Variants in IQGAP3 observed in about 807,000 individuals in gnomAD.
IQGAP3 encodes the protein ras GTPase-activating-like protein IQGAP3.
In IQGAP3, 165 loss-of-function variants were observed where a neutral mutation model predicts 208.2. The observed-to-expected ratio is 0.79, with a 90% CI of 0.70 to 0.90. IQGAP3 has a LOEUF of 0.90. Among genes scored for constraint, IQGAP3 ranks in the 40% least tolerant of loss-of-function variants. The pLI, the probability that IQGAP3 is intolerant of heterozygous loss-of-function variation, is 0.00. For missense variants in IQGAP3, 1,811 were observed against 2,043.1 expected (o/e 0.89, Z 2.19); for synonymous variants, 703 against 803.6 (o/e 0.87, Z 2.12).
chr1:156,540,915 C>T lies in IQGAP3; in HGVS notation c.2532G>A (p.Val844=). 3.1e-6 allele frequency: 5 copies of T among 1,613,198 alleles called. No homozygotes were observed. Among genetic ancestry groups the T allele is most frequent in the South Asian group, 1.1e-5 (1 of 91,046 alleles). Residue 844 remains valine (V), a splice_region_variant and synonymous_variant, in exon 23 of 38, where the codon GTG becomes GTA. Coordinates refer to ENST00000361170, the MANE Select transcript of IQGAP3 (RefSeq NM_178229.5). ...RKAQDDYRIL[V]HAPHPPLSVV... is the part of the protein sequence containing the mutation. ...CACTGAGAGGAGGGTGGGGTGCATG[C>T]ACTGGGAGGAAGGGAGGAGGCATCA...
chr1:156,548,104 C>T lies in IQGAP3; in HGVS notation c.2273G>A (p.Arg758Lys), dbSNP rs373591203. 6 of 1,613,586 alleles carry T rather than the reference C, an allele frequency of 3.7e-6. No homozygotes were observed. The African/African-American group carries it at 5.3e-5, about 14-fold the overall frequency. Reference protein sequence around the residue: ...QKFAEHSHFLRTWLPAVIKIQ... With the variant: ...QKFAEHSHFLKTWLPAVIKIQ... ...CTTGATGACTGCTGGGAGCCAGGTC[C>T]TCAGAAAGTGGGAATGCTCAGCAAA... The change falls in exon 19 of 38, where the codon AGG becomes AAG. Residue 758 changes from arginine to lysine, a missense_variant. Coordinates refer to ENST00000361170, the MANE Select transcript of IQGAP3 (RefSeq NM_178229.5).
In IQGAP3 at chr1:156,537,177, A is replaced by G; in HGVS notation, c.3422+4T>C. On this transcript the variant is annotated splice_donor_region_variant and intron_variant, in intron 27 of 37. Transcript: ENST00000361170. ...GTAGGCTGGGGTGGGGCTGTTGCAC[A>G]TACGGAATTTGGTCCACAGATGAGG... 1 of 1,612,596 alleles carries G rather than the reference A, an allele frequency of 6.2e-7. No homozygotes were observed.
chr1:156,560,957 G>C lies in IQGAP3; in HGVS notation c.1106C>G (p.Thr369Arg). ...ACTGGCTTGTTCCTGATCACCCTTT[G>C]TGTTGGCTGCAGCCACACCAGCCTG... ...EVQAGVAAANTKGDQEQAMLH... is the reference protein window; with the variant it reads ...EVQAGVAAANRKGDQEQAMLH... Residue 369 changes from threonine to arginine, a missense_variant, in exon 11 of 38, where the codon ACA becomes AGA. By Grantham distance (71) the Thr-to-Arg change is moderately conservative. Transcript: ENST00000361170. 6.2e-7 allele frequency: 1 copy of C among 1,613,684 alleles called. No homozygotes were observed. The highest frequency in any genetic ancestry group is 8.5e-7 in the Non-Finnish European group (1 of 1,179,756).
intron 28 of IQGAP3, 78 bp from the exon 29 acceptor site, chr1:156,534,811 G>T: frequency 1.8e-6 from 2 of 1,125,938 alleles, no homozygotes; most frequent in Non-Finnish European, 2.5e-6. Flanking sequence ...CAGCTTGCTT[G>T]GCTGGAAGGG....
In IQGAP3 at chr1:156,533,077, C is replaced by T; in HGVS notation, c.4006G>A (p.Asp1336Asn). 1 of 1,614,004 alleles carries T rather than the reference C, an allele frequency of 6.2e-7. No individual in the cohort carries two copies. Among genetic ancestry groups the T allele is most frequent in the East Asian group, 2.2e-5 (1 of 44,870 alleles). The change falls in exon 32 of 38, where the codon GAC becomes AAC. Residue 1336 changes from aspartate (D) to asparagine (N), a missense_variant. Coordinates refer to ENST00000361170, the MANE Select transcript of IQGAP3 (RefSeq NM_178229.5). ...GESIAADGHT[D>N]LSKLEVSLTL... Reference sequence around the variant, plus strand: ...AGGGACACTTCTAGCTTGCTCAGGTCCGTGTGCCCATCTGCAGCGATGCTC... The same window carrying T: ...AGGGACACTTCTAGCTTGCTCAGGTTCGTGTGCCCATCTGCAGCGATGCTC...
Position 156,566,550 on chromosome 1 carries a change from T to C in IQGAP3, c.126-4A>G, listed in dbSNP as rs1210538932. On this transcript the variant is annotated splice_region_variant and splice_polypyrimidine_tract_variant and intron_variant, in intron 2 of 37. Coordinates refer to ENST00000361170, the MANE Select transcript of IQGAP3 (RefSeq NM_178229.5). The stretch of plus-strand genomic sequence containing the variant: ...CTTCAGGCAGGCCTCCATCCAGCTA[T>C]GAACATGAGAACACCTTCTCACGCA... The C allele has an allele frequency of 1.2e-6, 2 of 1,613,942 alleles. No homozygotes were observed. The highest frequency in any genetic ancestry group is 2.2e-5 in the East Asian group (1 of 44,878).
intron 23 of IQGAP3, among the ~76,000 whole-genome samples, chr1:156,540,374 C>T (rs1674919357): frequency 1.3e-5 from 2 of 152,208 alleles, no homozygotes; most frequent in South Asian, 2.1e-4. Context: ...TCATATCTGT[C>T]TCTATATTTG....
At position 156,534,616 on chromosome 1, in the gene IQGAP3, G is replaced by A; in HGVS notation, c.3625C>T (p.Leu1209=). ...GALAAPQRHA[L]GAVAQLLQHA... The stretch of plus-strand genomic sequence containing the variant: ...TGTAGGAGCTGAGCCACAGCCCCCA[G>A]GGCATGGCGCTGGGGGGCAGCCAGG... The change falls in exon 29 of 38, where the codon CTG becomes TTG. Residue 1209 remains leucine, a synonymous_variant. Coordinates refer to ENST00000361170, the MANE Select transcript of IQGAP3 (RefSeq NM_178229.5). 2 of 1,612,456 alleles carry A rather than the reference G, an allele frequency of 1.2e-6. No homozygotes were observed. Among genetic ancestry groups the A allele is most frequent in the South Asian group, 1.1e-5 (1 of 90,910 alleles).
chr1:156,541,512 T>C (rs1345406537), intron 22 of IQGAP3, among the ~76,000 whole-genome samples: 3 of 152,322 alleles, frequency 2.0e-5, no homozygotes, highest in Middle Eastern at 3.4e-3. Context: ...TGAGCTAATT[T>C]ATTGGAAATA....
chr1:156,528,405 T>TCGGG lies in IQGAP3; in HGVS notation c.4673+100_4673+103dup. ...CATCATTCTAGCAGCTCCTTCAAGA[T>TCGGG]CGGGACCATGCTTCTTCTCTTCCAC... On this transcript the variant is annotated intron_variant, in intron 36 of 37. Coordinates refer to ENST00000361170, the MANE Select transcript of IQGAP3 (RefSeq NM_178229.5). 5.1e-6 allele frequency: 4 copies of TCGGG among 791,620 alleles called. No individual in the cohort carries two copies. The South Asian group carries it at 6.5e-5, about 13-fold the overall frequency. The allele number at this position is 791,620 out of a possible 1,614,324, so 49.0% of individuals were successfully genotyped here. A position where few individuals can be genotyped will look rare whatever the true frequency, so the allele number is the denominator to read the frequency against.
intron 11 of IQGAP3, among the ~76,000 whole-genome samples, chr1:156,560,343 T>G (rs1205239689): frequency 6.6e-6 from 1 of 152,062 alleles, no homozygotes. Context: ...GAACCCTACC[T>G]CTACTAAAAA....
intron 2 of IQGAP3, 142 bp downstream of exon 2, chr1:156,569,234 A>G: frequency 1.7e-6 from 1 of 588,278 alleles, no homozygotes; most frequent in Non-Finnish European, 3.1e-6. Context: ...CTTCAAAAAA[A>G]AAAAATTAAA....
chr1:156,550,137 C>T lies in IQGAP3; in HGVS notation c.1825+124G>A, dbSNP rs951017719. The T allele has an allele frequency of 2.1e-5, 14 of 673,922 alleles. No individual in the cohort carries two copies. The African/African-American group carries it at 2.1e-4, about 10-fold the overall frequency. The allele number at this position is 673,922 out of a possible 1,614,324, so 41.7% of individuals were successfully genotyped here. ...GCAGCCCTCCTGCTCTGACTCTGGC[C>T]TGCCTCCCCACAGAGGTTGAAGGGA... On this transcript the variant is annotated intron_variant, in intron 16 of 37. Transcript: ENST00000361170.
In IQGAP3 at chr1:156,563,234, G is replaced by A. The variant is rs1314320250; in HGVS notation, c.698C>T (p.Pro233Leu). The A allele has an allele frequency of 1.2e-6, 2 of 1,613,204 alleles. No individual in the cohort carries two copies. Among genetic ancestry groups the A allele is most frequent in the Admixed American group, 3.3e-5 (2 of 59,994 alleles). The change falls in exon 8 of 38, where the codon CCC becomes CTC. Residue 233 changes from proline (P) to leucine (L), a missense_variant. Coordinates refer to ENST00000361170, the MANE Select transcript of IQGAP3 (RefSeq NM_178229.5). The stretch of plus-strand genomic sequence containing the variant: ...TCGGAGATTCTCCAGAAGAGCACTG[G>A]GATTCTGCAAGGCAGCCAGGGTGTC... The part of the protein sequence containing the change: ...VEDTLAALQN[P>L]SALLENLREP...
At chr1:156,535,270 G>A (rs556819492) in intron 27 of IQGAP3, 23 bp from the exon 28 acceptor site, 19 of 1,520,334 alleles carry the variant, frequency 1.2e-5, no homozygotes, top group South Asian at 4.7e-5. Context: ...AAACAGGTGC[G>A]CGTGGCTGTG....
chr1:156,533,371 A>G (rs1184109372), intron 31 of IQGAP3, among the ~76,000 whole-genome samples: 2 of 152,010 alleles, frequency 1.3e-5, no homozygotes, highest in African/African-American at 4.8e-5. Flanking sequence ...GGGTGCCCTG[A>G]GGGTAGAGGA....
In IQGAP3 at chr1:156,548,061, A is replaced by T; in HGVS notation, c.2304+12T>A. On this transcript the variant is annotated intron_variant, in intron 19 of 37. Coordinates refer to ENST00000361170, the MANE Select transcript of IQGAP3 (RefSeq NM_178229.5). ...CCAGGCCCTGAAGACTGAGAAAGCC[A>T]GAGCCTGCCACCTGGATCTTGATGA... The T allele has an allele frequency of 1.9e-5, 30 of 1,610,494 alleles. No individual in the cohort carries two copies. The highest frequency in any genetic ancestry group is 2.5e-5 in the Non-Finnish European group (30 of 1,178,262).
chr1:156,562,516 T>C, intron 9 of IQGAP3, 71 bp downstream of exon 9: 3 of 1,222,254 alleles, frequency 2.5e-6, no homozygotes, highest in Non-Finnish European at 3.6e-6. Flanking sequence ...AGAAAAGCTA[T>C]CCCCAAACCT....
intron 34 of IQGAP3, 71 bp downstream of exon 34, chr1:156,530,034 A>G: frequency 7.9e-7 from 1 of 1,267,964 alleles, no homozygotes; most frequent in Non-Finnish European, 1.1e-6. Context: ...AACACTATGG[A>G]TTAACATGTA....
Sources: gnomAD v4.1 joint callset for allele counts (sites outside exome capture counted in the v4.1 genomes callset) on GRCh38, gnomAD v4.1.1 for gene constraint, MANE v1.5 for transcripts, NCBI Gene and HGNC (gene_info 2026-07-23, HGNC 2026-07-21) for gene names.